Variants in LTBP2 observed in about 807,000 individuals in gnomAD.
The protein encoded by LTBP2 is latent-transforming growth factor beta-binding protein 2.
In LTBP2, 103 loss-of-function variants were observed where a neutral mutation model predicts 210.6. That is an observed-to-expected ratio of 0.49 (90% CI 0.42 to 0.58). The LOEUF (loss-of-function observed/expected upper bound fraction) is 0.58. Ranked by LOEUF, LTBP2 falls within the 20% of genes least tolerant of loss-of-function variation. LTBP2 has a pLI of 0.00. For missense variants in LTBP2, 2,313 were observed against 2,494.5 expected, an observed-to-expected ratio of 0.93 and a Z score of 1.55; for synonymous variants, 1,007 against 1,015.0, an observed-to-expected ratio of 0.99 and a Z score of 0.15.
At position 74,611,771 on chromosome 14, in the gene LTBP2, G is replaced by A; in HGVS notation, c.174C>T (p.Gly58=). The change falls in exon 1 of 36, where the codon GGC becomes GGT. Residue 58 remains glycine, a synonymous_variant. Coordinates refer to ENST00000261978, the MANE Select transcript of LTBP2 (RefSeq NM_000428.3). Reference sequence around the variant, plus strand: ...TGGCTGCAGCCGCTGCCGGGTAGCTGCCCCCAGGGCGCCGCAGTCGATTCG... The same window carrying A: ...TGGCTGCAGCCGCTGCCGGGTAGCTACCCCCAGGGCGCCGCAGTCGATTCG... ...GDANRLRRPG[G]SYPAAAAAKV... 5 of 1,609,430 alleles carry A rather than the reference G, an allele frequency of 3.1e-6. No individual in the cohort carries two copies. The highest frequency in any genetic ancestry group is 4.2e-6 in the Non-Finnish European group (5 of 1,179,524).
At chr14:74,532,602 C>T (rs2087366617) in intron 9 of LTBP2, 54 bp from the exon 10 acceptor site, 1 of 1,604,290 alleles carries the variant, frequency 6.2e-7, no homozygotes, top group Admixed American at 1.7e-5. Flanking sequence ...CCTGATGGAG[C>T]AGAGGGGCTG....
chr14:74,552,264 C>T lies in LTBP2; in HGVS notation c.1322G>A (p.Arg441Lys). ...CAGCAAGGCCCTGGGGCGGGACCCCCTCCCTGGAGGCTCCCTGTCCGGCTG... is the reference window on the plus strand; with the variant it reads ...CAGCAAGGCCCTGGGGCGGGACCCCTTCCCTGGAGGCTCCCTGTCCGGCTG... ...IPQPDREPPG[R>K]GSRPRALLEA... is the part of the protein sequence containing the mutation. Residue 441 changes from arginine to lysine, a missense_variant, in exon 6 of 36, where the codon AGG becomes AAG. Transcript: ENST00000261978. 1 of 1,613,268 alleles carries T rather than the reference C, an allele frequency of 6.2e-7. No homozygotes were observed. Among genetic ancestry groups the T allele is most frequent in the Admixed American group, 1.7e-5 (1 of 60,028 alleles).
chr14:74,562,513 G>C (rs146728324), intron 3 of LTBP2, among the ~76,000 whole-genome samples: 1 of 152,096 alleles, frequency 6.6e-6, no homozygotes, highest in South Asian at 2.1e-4. Context: ...TGTGCAACTC[G>C]TATCAGAGAG....
intron 3 of LTBP2, among the ~76,000 whole-genome samples, chr14:74,560,451 C>T (rs1038248148): frequency 2.0e-5 from 3 of 152,182 alleles, no homozygotes; most frequent in Non-Finnish European, 2.9e-5. Context: ...GGTCTTCAGG[C>T]CCACAAGAAA....
In LTBP2 at chr14:74,535,994, G is replaced by C. The variant is rs139018077; in HGVS notation, c.1796C>G (p.Pro599Arg). 1.9e-6 allele frequency: 3 copies of C among 1,613,932 alleles called. No individual in the cohort carries two copies. Among genetic ancestry groups the C allele is most frequent in the East Asian group, 2.2e-5 (1 of 44,878 alleles). The stretch of plus-strand genomic sequence containing the variant: ...CTCCAGCTGGCCATTCTCAATCACC[G>C]GGGAGGCTGAAGAGTGGAGATACGG... ...CAPCPPRPAS[P>R]VIENGQLECP... The change falls in exon 9 of 36, where the codon CCG becomes CGG. Residue 599 changes from proline (P) to arginine (R), a missense_variant. Transcript: ENST00000261978.
chr14:74,522,287 C>T (rs1465709577), intron 16 of LTBP2, among the ~76,000 whole-genome samples: 1 of 152,194 alleles, frequency 6.6e-6, no homozygotes, highest in Admixed American at 6.5e-5. Context: ...TCGACTCCTT[C>T]CCCCAGTAGC....
chr14:74,508,128 C>T (rs1300796563), intron 24 of LTBP2, 33 bp from the exon 25 acceptor site: 8 of 1,612,676 alleles, frequency 5.0e-6, no homozygotes, highest in Non-Finnish European at 6.8e-6. Context: ...CAGACCCAGC[C>T]ACGGGTCCCT....
chr14:74,585,637 T>C (rs2088193554), intron 3 of LTBP2, among the ~76,000 whole-genome samples: 1 of 152,082 alleles, frequency 6.6e-6, no homozygotes, highest in Non-Finnish European at 1.5e-5. Context: ...CCTCCTCCTC[T>C]TCCCACCCCA....
chr14:74,607,735 T>C (rs2088545831), intron 1 of LTBP2, among the ~76,000 whole-genome samples: 1 of 152,174 alleles, frequency 6.6e-6, no homozygotes, highest in African/African-American at 2.4e-5. Context: ...AACAACATTG[T>C]ATATTTTGTG....
In LTBP2 at chr14:74,612,037, G is replaced by A. The variant is rs769936231; in HGVS notation, c.-93C>T. 993 of 1,332,988 alleles carry A rather than the reference G, an allele frequency of 7.4e-4. No homozygotes were observed. The highest frequency in any genetic ancestry group is 8.9e-4 in the Non-Finnish European group (909 of 1,025,910). 82.6% of individuals were successfully genotyped at this position (1,332,988 alleles called of 1,614,324 possible). On this transcript the variant is annotated 5_prime_UTR_variant, in exon 1 of 36. Transcript: ENST00000261978. The stretch of plus-strand genomic sequence containing the variant: ...GCCCGCGGGCTGTTCTCCCGGCCCC[G>A]CCCGGCGGCCAGCTTCTCTGAGTCT...
chr14:74,518,848 T>C (rs2087166890), intron 17 of LTBP2, among the ~76,000 whole-genome samples: 1 of 152,164 alleles, frequency 6.6e-6, no homozygotes, highest in Non-Finnish European at 1.5e-5. Context: ...CTGGAATAAC[T>C]GGTGTTCACT....
chr14:74,540,627 T>C (rs1403138112), intron 8 of LTBP2, among the ~76,000 whole-genome samples: 7 of 148,572 alleles, frequency 4.7e-5, no homozygotes, highest in Non-Finnish European at 8.9e-5. Context: ...TAGCGGGATG[T>C]GGTGGCGGGT....
At chr14:74,570,288 C>T (rs1384295876) in intron 3 of LTBP2, among the ~76,000 whole-genome samples, 4 of 152,200 alleles carry the variant, frequency 2.6e-5, no homozygotes, top group South Asian at 2.1e-4. Context: ...CTCCATGATG[C>T]GCCCCCACAC....
At position 74,507,234 on chromosome 14, in the gene LTBP2, G is replaced by A. The variant is rs61736977; in HGVS notation, c.3852C>T (p.Arg1284=). ...AGCCAGGCTGGCAGCCCAGAACACA[G>A]CGGTAGGAGCCAGGGCTGTTTTCAC... is the stretch of plus-strand genomic sequence containing the variant. ...WKCENSPGSY[R]CVLGCQPGFH... is the part of the protein sequence containing the mutation. The change falls in exon 26 of 36, where the codon CGC becomes CGT. Residue 1284 remains arginine, a synonymous_variant. Transcript: ENST00000261978. 4,592 of 1,614,208 alleles carry A rather than the reference G, an allele frequency of 2.8e-3. 128 individuals are homozygous for A. The African/African-American group carries it at 0.055, about 19-fold the overall frequency.
intron 1 of LTBP2, among the ~76,000 whole-genome samples, chr14:74,606,877 C>T (rs2088534830): frequency 6.6e-6 from 1 of 151,928 alleles, no homozygotes; most frequent in South Asian, 2.1e-4. Flanking sequence ...AAACCCACCT[C>T]CTCTGACATC....
At chr14:74,558,585 C>T (rs2139756061) in intron 3 of LTBP2, among the ~76,000 whole-genome samples, 1 of 152,168 alleles carries the variant, frequency 6.6e-6, no homozygotes, top group Admixed American at 6.5e-5. Context: ...ATGTTCTGCC[C>T]AGACCACTGC....
rs59313477 is a variant in LTBP2, at chr14:74,604,164, C to CAAAAAAAAAAAAAAAAAAAAAAAAAA, written c.495-460_495-459insTTTTTTTTTTTTTTTTTTTTTTTTTT. 1.0e-3 allele frequency among the ~76,000 whole-genome samples: 75 copies of CAAAAAAAAAAAAAAAAAAAAAAAAAA among 72,716 alleles called. 2 individuals carry two copies. The highest frequency in any genetic ancestry group is 5.2e-3 in the African/African-American group (70 of 13,420). The allele number at this position is 72,716 out of a possible 152,430, so 47.7% of individuals were successfully genotyped here. A position where few individuals can be genotyped will look rare whatever the true frequency, so the allele number is the denominator to read the frequency against. On this transcript the variant is annotated intron_variant, in intron 1 of 35. Coordinates refer to ENST00000261978, the MANE Select transcript of LTBP2 (RefSeq NM_000428.3). ...GCTCCAACTCTACATTGCCTCTCAC[C>CAAAAAAAAAAAAAAAAAAAAAAAAAA]AAAAAAAAAAAAAAAAAAAACCACA... is the stretch of plus-strand genomic sequence containing the variant.
chr14:74,509,130 A>T, intron 22 of LTBP2, 108 bp downstream of exon 22: 2 of 1,582,764 alleles, frequency 1.3e-6, no homozygotes, highest in Non-Finnish European at 1.7e-6. Context: ...GGGGAGCGGG[A>T]TGATGGCAGC....
intron 8 of LTBP2, among the ~76,000 whole-genome samples, chr14:74,549,036 C>A (rs528010271): frequency 1.3e-5 from 2 of 152,368 alleles, no homozygotes; most frequent in South Asian, 2.1e-4. Context: ...CCCCTCCCAT[C>A]TTTGGGCTCC....
Sources: allele counts gnomAD v4.1 joint callset (sites outside exome capture counted in the v4.1 genomes callset), GRCh38; gene constraint gnomAD v4.1.1; transcripts MANE v1.5; gene names NCBI Gene and HGNC (gene_info 2026-07-23, HGNC 2026-07-21).